The following ST6GALNAC3 variants were observed in gnomAD, a reference collection of about 807,000 sequenced individuals.
The protein encoded by ST6GALNAC3 is ST6 N-acetylgalactosaminide alpha-2,6-sialyltransferase 3.
A neutral mutation model predicts 32.7 loss-of-function variants in ST6GALNAC3; 25 were observed. That is an observed-to-expected ratio of 0.76 (90% CI 0.56 to 1.07). ST6GALNAC3 has a LOEUF of 1.07. Among genes scored for constraint, ST6GALNAC3 ranks in the 50% least tolerant of loss-of-function variants. The probability of loss-of-function intolerance (pLI) is 0.00; values close to 1 mark genes in which losing one functional copy is unlikely to be tolerated. For missense variants in ST6GALNAC3, 355 were observed against 382.4 expected, an observed-to-expected ratio of 0.93 and a Z score of 0.60; for synonymous variants, 129 against 133.1, an observed-to-expected ratio of 0.97 and a Z score of 0.21.
intron 1 of ST6GALNAC3, among the ~76,000 whole-genome samples, chr1:76,167,556 G>C (rs1652202315): frequency 6.6e-6 from 1 of 152,202 alleles, no homozygotes. Flanking sequence ...AATTGGTTCA[G>C]AAGGAATGGT....
intron 1 of ST6GALNAC3, among the ~76,000 whole-genome samples, chr1:76,106,086 A>G (rs1446429323): frequency 6.6e-6 from 1 of 152,250 alleles, no homozygotes; most frequent in Non-Finnish European, 1.5e-5. Flanking sequence ...AATGACAACA[A>G]GAATGCTTGT....
intron 1 of ST6GALNAC3, 84 bp downstream of exon 1, chr1:76,074,968 G>A: frequency 1.3e-6 from 2 of 1,498,672 alleles, no homozygotes; most frequent in Non-Finnish European, 1.8e-6. Flanking sequence ...CGGTCCCACC[G>A]CATCCTCATC....
chr1:76,341,678 T>TTTCCTTCCTTCCTTCC (rs1553181681), intron 2 of ST6GALNAC3, among the ~76,000 whole-genome samples: 3 of 121,202 alleles, frequency 2.5e-5, no homozygotes, highest in African/African-American at 1.1e-4. Flanking sequence ...TCTTTCTTTC[T>TTTCCTTCCTTCCTTCC]TTCCTTCTTT....
At chr1:76,245,857 G>A (rs1418825393) in intron 1 of ST6GALNAC3, among the ~76,000 whole-genome samples, 1 of 152,196 alleles carries the variant, frequency 6.6e-6, no homozygotes. Flanking sequence ...TAAGTGCCAT[G>A]TGGTGCTGAG....
chr1:76,135,928 G>T (rs1649918740), intron 1 of ST6GALNAC3, among the ~76,000 whole-genome samples: 1 of 152,142 alleles, frequency 6.6e-6, no homozygotes, highest in African/African-American at 2.4e-5. Flanking sequence ...ACTTGGCTCT[G>T]GCTCAGCTGT....
At chr1:76,168,662 T>G (rs1331292914) in intron 1 of ST6GALNAC3, among the ~76,000 whole-genome samples, 1 of 152,192 alleles carries the variant, frequency 6.6e-6, no homozygotes, top group Non-Finnish European at 1.5e-5. Flanking sequence ...GTGTTGGGTG[T>G]ATATCTATTT....
chr1:76,416,034 A>AAC (rs60710007), intron 3 of ST6GALNAC3, among the ~76,000 whole-genome samples: 4,877 of 144,352 alleles, frequency 0.034, 98 homozygotes, highest in African/African-American at 0.063. Context: ...TTTATTCCAC[A>AAC]ACACACACAC....
At chr1:76,382,539 T>TA (rs1393944248) in intron 2 of ST6GALNAC3, among the ~76,000 whole-genome samples, 1 of 152,022 alleles carries the variant, frequency 6.6e-6, no homozygotes, top group Non-Finnish European at 1.5e-5. Flanking sequence ...GCATCAAGAT[T>TA]AAAAAGGTGA....
At chr1:76,088,620 T>C (rs1358158205) in intron 1 of ST6GALNAC3, among the ~76,000 whole-genome samples, 2 of 151,958 alleles carry the variant, frequency 1.3e-5, no homozygotes, top group African/African-American at 4.8e-5. Flanking sequence ...CAATCACTCA[T>C]CTCTCTAGAT....
intron 1 of ST6GALNAC3, among the ~76,000 whole-genome samples, chr1:76,153,773 C>T (rs1033045198): frequency 8.5e-5 from 13 of 152,106 alleles, no homozygotes; most frequent in African/African-American, 2.7e-4. Flanking sequence ...AGACAGGGAA[C>T]AGTTAGTCAT....
intron 2 of ST6GALNAC3, among the ~76,000 whole-genome samples, chr1:76,389,286 A>G (rs1401632762): frequency 6.6e-6 from 1 of 152,152 alleles, no homozygotes; most frequent in African/African-American, 2.4e-5. Context: ...CTGAGACAAG[A>G]ACATGGCATG....
intron 4 of ST6GALNAC3, among the ~76,000 whole-genome samples, chr1:76,628,280 C>A (rs1361386803): frequency 6.6e-6 from 1 of 151,840 alleles, no homozygotes; most frequent in East Asian, 1.9e-4. Flanking sequence ...TCAGATGAGC[C>A]AATATCTTAC....
intron 2 of ST6GALNAC3, among the ~76,000 whole-genome samples, chr1:76,396,151 T>A (rs1011698813): frequency 6.6e-6 from 1 of 152,156 alleles, no homozygotes; most frequent in African/African-American, 2.4e-5. Flanking sequence ...GCTTTAACCC[T>A]ATAAGGAAAG....
intron 2 of ST6GALNAC3, among the ~76,000 whole-genome samples, chr1:76,320,168 A>G (rs1301811255): frequency 1.3e-5 from 2 of 152,172 alleles, no homozygotes; most frequent in Non-Finnish European, 2.9e-5. Context: ...GGGACAGAGG[A>G]AGAAGACAAA....
chr1:76,133,754 A>G (rs1346990309), intron 1 of ST6GALNAC3, among the ~76,000 whole-genome samples: 7 of 152,196 alleles, frequency 4.6e-5, no homozygotes, highest in Non-Finnish European at 1.0e-4. Flanking sequence ...AGCAGAGAGC[A>G]TATATTGTTG....
intron 3 of ST6GALNAC3, among the ~76,000 whole-genome samples, chr1:76,413,570 A>G (rs1241831940): frequency 6.6e-6 from 1 of 152,150 alleles, no homozygotes; most frequent in Non-Finnish European, 1.5e-5. Context: ...TAGGTGGATC[A>G]ACTCTCCTTT....
At chr1:76,239,833 A>G (rs929512218) in intron 1 of ST6GALNAC3, among the ~76,000 whole-genome samples, 4 of 152,208 alleles carry the variant, frequency 2.6e-5, no homozygotes, top group Non-Finnish European at 5.9e-5. Flanking sequence ...AATTGGATAC[A>G]GGGCTGAGAT....
At chr1:76,451,099 AT>A (rs929754497) in intron 3 of ST6GALNAC3, among the ~76,000 whole-genome samples, 1 of 152,068 alleles carries the variant, frequency 6.6e-6, no homozygotes, top group African/African-American at 2.4e-5. Context: ...CGATGGTTGT[AT>A]TTTTTGGGAA....
chr1:76,621,754 G>C (rs1339187872), intron 3 of ST6GALNAC3, among the ~76,000 whole-genome samples: 1 of 151,694 alleles, frequency 6.6e-6, no homozygotes, highest in East Asian at 1.9e-4. Flanking sequence ...ATGTGCTTTT[G>C]AAAAAAATGA....
Sources: allele counts gnomAD v4.1 joint callset (sites outside exome capture counted in the v4.1 genomes callset), GRCh38; gene constraint gnomAD v4.1.1; transcripts MANE v1.5; gene names NCBI Gene and HGNC (gene_info 2026-07-23, HGNC 2026-07-21).